Variants in CTNNA3 observed in about 807,000 individuals in gnomAD.
The protein encoded by CTNNA3 is catenin alpha-3.
In CTNNA3, 76 loss-of-function variants were observed where a neutral mutation model predicts 95.7. That is an observed-to-expected ratio of 0.79 (90% CI 0.66 to 0.96). The LOEUF (loss-of-function observed/expected upper bound fraction) is 0.96. CTNNA3 is among the 40% of genes least tolerant of loss of function. The probability of loss-of-function intolerance (pLI) is 0.00; values close to 1 mark genes in which losing one functional copy is unlikely to be tolerated. For synonymous variants in CTNNA3, 431 were observed against 374.4 expected, an observed-to-expected ratio of 1.15 and a Z score of -1.74; for missense variants, 1,191 against 1,089.8, an observed-to-expected ratio of 1.09 and a Z score of -1.31.
intron 10 of CTNNA3, among the ~76,000 whole-genome samples, chr10:66,586,527 C>A (rs1843365485): frequency 6.6e-6 from 1 of 152,050 alleles, no homozygotes; most frequent in African/African-American, 2.4e-5. Context: ...GCTGATGTTC[C>A]CTCTAAAGAA....
intron 7 of CTNNA3, among the ~76,000 whole-genome samples, chr10:66,782,962 C>T (rs1840600643): frequency 6.6e-6 from 1 of 152,204 alleles, no homozygotes. Flanking sequence ...TGAATCACCT[C>T]TCTTGTCCTG....
chr10:67,663,447 A>T (rs1178751817), intron 1 of CTNNA3, among the ~76,000 whole-genome samples: 2 of 151,198 alleles, frequency 1.3e-5, no homozygotes, highest in Admixed American at 6.6e-5. Context: ...CCCAGTCAGT[A>T]AACTCTCCCG....
At chr10:67,328,777 T>A (rs187905656) in intron 5 of CTNNA3, among the ~76,000 whole-genome samples, 1 of 152,204 alleles carries the variant, frequency 6.6e-6, no homozygotes, top group African/African-American at 2.4e-5. Flanking sequence ...GTCATCTGAG[T>A]CCCTTCATGA....
At chr10:67,142,699 C>T (rs1474494387) in intron 7 of CTNNA3, among the ~76,000 whole-genome samples, 1 of 151,750 alleles carries the variant, frequency 6.6e-6, no homozygotes, top group Non-Finnish European at 1.5e-5. Flanking sequence ...TTTGGGAGGC[C>T]GAGGCGAGTG....
At chr10:67,638,035 G>A (rs1390658624) in intron 2 of CTNNA3, among the ~76,000 whole-genome samples, 3 of 152,092 alleles carry the variant, frequency 2.0e-5, no homozygotes, top group Non-Finnish European at 4.4e-5. Context: ...AATGTAAATG[G>A]GCTAAACACT....
At chr10:66,900,777 A>G (rs1471392353) in intron 7 of CTNNA3, among the ~76,000 whole-genome samples, 2 of 152,216 alleles carry the variant, frequency 1.3e-5, no homozygotes, top group East Asian at 3.9e-4. Flanking sequence ...AAGGGATATC[A>G]GTGATTGAAG....
intron 2 of CTNNA3, among the ~76,000 whole-genome samples, chr10:67,625,103 G>A (rs1843988659): frequency 6.6e-6 from 1 of 152,166 alleles, no homozygotes; most frequent in South Asian, 2.1e-4. Flanking sequence ...CAGCCTAAAA[G>A]GACTAGGAAC....
At chr10:66,651,890 A>G (rs1589073654) in intron 9 of CTNNA3, among the ~76,000 whole-genome samples, 1 of 151,964 alleles carries the variant, frequency 6.6e-6, no homozygotes, top group Non-Finnish European at 1.5e-5. Flanking sequence ...AGGGGCTCCC[A>G]CAGTGCAACG....
chr10:66,902,673 G>C (rs1235962835), intron 7 of CTNNA3, among the ~76,000 whole-genome samples: 6 of 152,104 alleles, frequency 3.9e-5, no homozygotes, highest in Non-Finnish European at 8.8e-5. Flanking sequence ...GAATCAAATA[G>C]ATGCAATACA....
intron 1 of CTNNA3, among the ~76,000 whole-genome samples, chr10:67,755,224 A>C (rs1330887279): frequency 6.6e-6 from 1 of 151,940 alleles, no homozygotes; most frequent in Non-Finnish European, 1.5e-5. Flanking sequence ...ATATACAAAT[A>C]GCAATGGGTA....
chr10:67,463,879 C>T (rs897891137), intron 5 of CTNNA3, among the ~76,000 whole-genome samples: 2 of 152,136 alleles, frequency 1.3e-5, no homozygotes, highest in Non-Finnish European at 2.9e-5. Flanking sequence ...CTGTATTTGG[C>T]TGATAGGCTG....
At chr10:67,472,688 G>C (rs943475964) in intron 5 of CTNNA3, among the ~76,000 whole-genome samples, 1 of 152,114 alleles carries the variant, frequency 6.6e-6, no homozygotes, top group African/African-American at 2.4e-5. Context: ...AACCAATGAC[G>C]AGCCTGGGAC....
intron 5 of CTNNA3, among the ~76,000 whole-genome samples, chr10:67,348,460 A>G (rs1842514112): frequency 6.6e-6 from 1 of 152,156 alleles, no homozygotes; most frequent in Non-Finnish European, 1.5e-5. Context: ...TAAAGAAAAG[A>G]GGCTTATTTT....
intron 7 of CTNNA3, among the ~76,000 whole-genome samples, chr10:66,811,258 T>C (rs1296318172): frequency 2.6e-5 from 4 of 152,204 alleles, no homozygotes; most frequent in Non-Finnish European, 5.9e-5. Flanking sequence ...ATTTTCAAGA[T>C]GTTCCAGATC....
At chr10:66,083,254 A>C (rs1387761352) in intron 14 of CTNNA3, among the ~76,000 whole-genome samples, 1 of 152,196 alleles carries the variant, frequency 6.6e-6, no homozygotes, top group African/African-American at 2.4e-5. Context: ...TACTAGAATA[A>C]CATCATTAAA....
At chr10:67,627,502 T>C (rs1477030463) in intron 2 of CTNNA3, among the ~76,000 whole-genome samples, 2 of 151,880 alleles carry the variant, frequency 1.3e-5, no homozygotes, top group Admixed American at 1.3e-4. Flanking sequence ...CCATGAATAA[T>C]TCAAATATAA....
At chr10:66,498,499 T>C (rs1840172085) in intron 11 of CTNNA3, among the ~76,000 whole-genome samples, 1 of 152,110 alleles carries the variant, frequency 6.6e-6, no homozygotes, top group African/African-American at 2.4e-5. Context: ...ATAATTTAGG[T>C]TCATGTCAGC....
intron 7 of CTNNA3, among the ~76,000 whole-genome samples, chr10:66,974,519 T>C (rs1849914382): frequency 2.6e-5 from 4 of 152,214 alleles, no homozygotes; most frequent in Admixed American, 1.3e-4. Context: ...TGGGTAAATA[T>C]TTAGAATTGT....
chr10:66,547,343 C>CTTTTTTTTTTTTT (rs1246714246), intron 10 of CTNNA3, among the ~76,000 whole-genome samples: 7,621 of 82,996 alleles, frequency 0.092, 1,478 homozygotes, highest in East Asian at 0.15. Context: ...ATTTTTCTTT[C>CTTTTTTTTTTTTT]TTTCTTTTTT....
Sources: gnomAD v4.1 joint callset for allele counts (sites outside exome capture counted in the v4.1 genomes callset) on GRCh38, gnomAD v4.1.1 for gene constraint, MANE v1.5 for transcripts, NCBI Gene and HGNC (gene_info 2026-07-23, HGNC 2026-07-21) for gene names.